Variants in AXIN2 observed in about 807,000 individuals in gnomAD.
AXIN2 encodes axin 2.
In AXIN2, 21 loss-of-function variants were observed where a neutral mutation model predicts 74.7. The ratio of observed to expected loss-of-function variants is 0.28; its 90% CI spans 0.20 to 0.40. The LOEUF is 0.40. Among genes scored for constraint, AXIN2 ranks in the 10% least tolerant of loss-of-function variants. The pLI is 1.00. For missense variants in AXIN2, 1,144 were observed against 1,111.1 expected (o/e 1.03, Z -0.42); for synonymous variants, 532 against 454.9 (o/e 1.17, Z -2.16).
At chr17:65,531,943 AG>A (rs34536692) in intron 10 of AXIN2, among the ~76,000 whole-genome samples, 1 of 151,292 alleles carries the variant, frequency 6.6e-6, no homozygotes, top group African/African-American at 2.4e-5. Context: ...ATTTTTTTGA[AG>A]GGGGGATGTA....
intron 10 of AXIN2, among the ~76,000 whole-genome samples, chr17:65,532,563 T>G (rs1253396452): frequency 1.3e-5 from 2 of 151,948 alleles, no homozygotes; most frequent in Non-Finnish European, 2.9e-5. Context: ...CAGTCCAACC[T>G]CCATCCCCTC....
Position 65,536,414 on chromosome 17 carries a change from G to C in AXIN2, c.2047C>G (p.Pro683Ala), listed in dbSNP as rs1598096797. 2 of 1,613,812 alleles carry C rather than the reference G, an allele frequency of 1.2e-6. No homozygotes were observed. Among genetic ancestry groups the C allele is most frequent in the Middle Eastern group, 1.7e-4 (1 of 6,056 alleles). Residue 683 changes from proline (P) to alanine (A), a missense_variant, in exon 8 of 11, where the codon CCT becomes GCT. Coordinates refer to ENST00000307078, the MANE Select transcript of AXIN2 (RefSeq NM_004655.4). ...GGTGGGGTCAGGGGAGGCATCGCAG[G>C]GTCCTGGGTGAACAGGTGGGCACGG... ...TPRAHLFTQD[P>A]AMPPLTPPNT...
intron 10 of AXIN2, among the ~76,000 whole-genome samples, chr17:65,532,664 G>A (rs978997760): frequency 1.3e-5 from 2 of 152,220 alleles, no homozygotes; most frequent in Non-Finnish European, 2.9e-5. Flanking sequence ...TGCTCTAGAG[G>A]GGAGGGTGTC....
At chr17:65,536,749 A>G (rs2043927917) in intron 7 of AXIN2, 120 bp downstream of exon 7, 2 of 1,483,346 alleles carry the variant, frequency 1.3e-6, no homozygotes, top group Admixed American at 1.7e-5. Context: ...TAATATTAAG[A>G]TGGCAGGAGC....
intron 3 of AXIN2, among the ~76,000 whole-genome samples, chr17:65,543,710 C>G (rs1192383565): frequency 2.0e-5 from 3 of 152,204 alleles, no homozygotes; most frequent in African/African-American, 7.2e-5. Context: ...CAGCCCCAAT[C>G]AGCAGTCAAG....
At chr17:65,536,783 G>A (rs974964172) in intron 7 of AXIN2, 86 bp downstream of exon 7, 25 of 1,563,910 alleles carry the variant, frequency 1.6e-5, no homozygotes, top group South Asian at 6.7e-5. Context: ...TGTATTCCGC[G>A]GACTGCAAAA....
chr17:65,555,242 C>T (rs1241802713), intron 2 of AXIN2, among the ~76,000 whole-genome samples: 1 of 152,230 alleles, frequency 6.6e-6, no homozygotes, highest in Non-Finnish European at 1.5e-5. Context: ...AAAGACCATC[C>T]TCAGCAGCAC....
chr17:65,541,620 G>T, intron 3 of AXIN2, 63 bp from the exon 4 acceptor site: 1 of 1,361,908 alleles, frequency 7.3e-7, no homozygotes, highest in Non-Finnish European at 1.1e-6. Flanking sequence ...CATCACATGG[G>T]CTACTGTCAT....
chr17:65,539,105 C>T (rs902751271), intron 4 of AXIN2, among the ~76,000 whole-genome samples: 8 of 152,144 alleles, frequency 5.3e-5, no homozygotes, highest in Non-Finnish European at 1.0e-4. Flanking sequence ...GCACCGAGTA[C>T]GCCTGCCAAA....
chr17:65,531,681 T>C (rs983545128), intron 10 of AXIN2, among the ~76,000 whole-genome samples: 1 of 152,004 alleles, frequency 6.6e-6, no homozygotes, highest in Non-Finnish European at 1.5e-5. Flanking sequence ...CCACATTCTC[T>C]CAGCCCCACC....
At chr17:65,560,348 C>G (rs1222620882) in intron 1 of AXIN2, 2 of 148,502 alleles carry the variant, frequency 1.3e-5, no homozygotes, top group Non-Finnish European at 3.0e-5. Context: ...GGCCCCTTAG[C>G]GCGGACCCGC....
At position 65,552,356 on chromosome 17, in the gene AXIN2, C is replaced by T. The variant is rs530162627; in HGVS notation, c.816-2696G>A. On this transcript the variant is annotated intron_variant, in intron 2 of 10. Transcript: ENST00000307078. Reference sequence around the variant, plus strand: ...AGGTGGGGACAGGCTGTGAAATCACCCAAGTCTTTAAAACAGGCCAAAGTG... The same window carrying T: ...AGGTGGGGACAGGCTGTGAAATCACTCAAGTCTTTAAAACAGGCCAAAGTG... Among the ~76,000 whole-genome samples the T allele has an allele frequency of 2.6e-5, 4 of 152,274 alleles. No individual in the cohort carries two copies. The South Asian group carries it at 8.3e-4, about 32-fold the overall frequency.
At chr17:65,547,857 A>C (rs912505442) in intron 3 of AXIN2, among the ~76,000 whole-genome samples, 1 of 152,238 alleles carries the variant, frequency 6.6e-6, no homozygotes, top group Non-Finnish European at 1.5e-5. Flanking sequence ...GAAACTTTTC[A>C]AAGGGGAAAG....
intron 2 of AXIN2, among the ~76,000 whole-genome samples, chr17:65,554,624 C>G (rs557728227): frequency 2.0e-5 from 3 of 152,220 alleles, no homozygotes; most frequent in Non-Finnish European, 4.4e-5. Context: ...TCCAATGGCT[C>G]CGCACAAAAA....
In AXIN2 at chr17:65,536,453, G is replaced by T; in HGVS notation, c.2008C>A (p.Pro670Thr). Residue 670 changes from proline (P) to threonine (T), a missense_variant, in exon 8 of 11, where the codon CCC becomes ACC. Physicochemically the swap from Pro to Thr is conservative, Grantham distance 38 (BLOSUM62 -1). This residue lies in a region of AXIN2 where 1,053 missense variants were observed against 973.5 expected (regional missense o/e 1.08). Transcript: ENST00000307078. ...HHLWGGNSGH[P>T]RTTPRAHLFT... ...AGGTGGGCACGGGGGGTGGTGCGGG[G>T]GTGCCCGCTGTTGCCCCCCCACAGA... The T allele has an allele frequency of 6.2e-7, 1 of 1,613,338 alleles. No homozygotes were observed. The highest frequency in any genetic ancestry group is 8.5e-7 in the Non-Finnish European group (1 of 1,179,986).
At chr17:65,531,355 G>C (rs1421028963) in intron 10 of AXIN2, among the ~76,000 whole-genome samples, 1 of 152,002 alleles carries the variant, frequency 6.6e-6, no homozygotes, top group Non-Finnish European at 1.5e-5. Context: ...CTAATGCAGT[G>C]GGGTGAACAA....
intron 5 of AXIN2, 66 bp from the exon 6 acceptor site, chr17:65,537,901 G>C: frequency 3.4e-6 from 5 of 1,483,982 alleles, no homozygotes; most frequent in Non-Finnish European, 4.5e-6. Context: ...CCCTGGGGTT[G>C]CAACATTCGG....
intron 6 of AXIN2, 125 bp from the exon 7 acceptor site, chr17:65,537,188 A>C: frequency 6.5e-7 from 1 of 1,539,030 alleles, no homozygotes; most frequent in Non-Finnish European, 8.9e-7. Flanking sequence ...TGCTCCCCGC[A>C]CCCTCACCCG....
At chr17:65,548,504 T>C (rs568276656) in intron 3 of AXIN2, among the ~76,000 whole-genome samples, 1 of 152,360 alleles carries the variant, frequency 6.6e-6, no homozygotes, top group African/African-American at 2.4e-5. Context: ...ATTGTTCCTT[T>C]AGCAGGCGAA....
Sources: gnomAD v4.1 joint callset for allele counts (sites outside exome capture counted in the v4.1 genomes callset) on GRCh38, gnomAD v4.1.1 for gene constraint, gnomAD v4.1.1 regional missense constraint, MANE v1.5 for transcripts, NCBI Gene and HGNC (gene_info 2026-07-23, HGNC 2026-07-21) for gene names.